Variants in PCDHA10 observed in about 807,000 individuals in gnomAD.
PCDHA10 encodes protocadherin alpha 10, also known as protocadherin alpha-10.
PCDHA10 carries 45 observed loss-of-function variants against 61.2 expected under a neutral mutation model. The observed-to-expected ratio is 0.74, with a 90% CI of 0.58 to 0.94. The LOEUF is 0.94. PCDHA10 is among the 40% of genes least tolerant of loss of function. The pLI is 0.00. For missense variants in PCDHA10, 1,278 were observed against 1,236.2 expected (o/e 1.03, Z -0.51); for synonymous variants, 602 against 548.8 (o/e 1.10, Z -1.35).
rs570244920 is a variant in PCDHA10, at chr5:140,897,293, A to G, written c.2388+38857A>G. Reference sequence around the variant, plus strand: ...GGTGTGCTGCACCCATTAACTCGTCATTTAGCATTAGGTATATCTCCTAAA... The same window carrying G: ...GGTGTGCTGCACCCATTAACTCGTCGTTTAGCATTAGGTATATCTCCTAAA... On this transcript the variant is annotated intron_variant, in intron 1 of 3. Transcript: ENST00000307360. Among the ~76,000 whole-genome samples the G allele has an allele frequency of 1.2e-4, 18 of 149,820 alleles. No homozygotes were observed. In the South Asian group the frequency reaches 3.5e-3, roughly 29 times the overall value.
intron 1 of PCDHA10, among the ~76,000 whole-genome samples, chr5:140,909,000 G>C (rs569548757): frequency 9.8e-5 from 15 of 152,296 alleles, no homozygotes; most frequent in Non-Finnish European, 1.8e-4. Flanking sequence ...AAATTTTACT[G>C]AGGTAGAAGG....
intron 1 of PCDHA10, chr5:140,875,761 G>A (rs373515339): frequency 1.9e-6 from 3 of 1,614,236 alleles, no homozygotes; most frequent in East Asian, 2.2e-5. Flanking sequence ...GAAGCTGTGC[G>A]GGCGGAGCGC....
At chr5:140,897,100 A>G (rs10054072) in intron 1 of PCDHA10, among the ~76,000 whole-genome samples, 2,117 of 151,950 alleles carry the variant, frequency 0.014, 42 homozygotes, top group African/African-American at 0.049. Context: ...CTCATTAAAA[A>G]TCTCCACTTT....
chr5:140,952,923 C>T (rs1554220692), intron 1 of PCDHA10, among the ~76,000 whole-genome samples: 1 of 151,990 alleles, frequency 6.6e-6, no homozygotes, highest in East Asian at 1.9e-4. Context: ...ATGGCATGAG[C>T]AGGAGCAGGA....
At position 140,928,140 on chromosome 5, in the gene PCDHA10, G is replaced by A. The variant is rs200493520; in HGVS notation, c.2389-50809G>A. On this transcript the variant is annotated intron_variant, in intron 1 of 3. Coordinates refer to ENST00000307360, the MANE Select transcript of PCDHA10 (RefSeq NM_018901.4). The stretch of plus-strand genomic sequence containing the variant: ...TCAGTGAATACCAAGTCCTGATCAC[G>A]GCCTCAGATAGTGGCTCACCCCCAC... The A allele has an allele frequency of 2.7e-5, 43 of 1,614,036 alleles. 1 individual carries two copies. The South Asian group carries it at 4.2e-4, about 16-fold the overall frequency.
chr5:140,876,144 G>C (rs782301739), intron 1 of PCDHA10: 1 of 1,613,964 alleles, frequency 6.2e-7, no homozygotes, highest in South Asian at 1.1e-5. Context: ...AACTAACAGG[G>C]TCTGTCCAGA....
intron 1 of PCDHA10, among the ~76,000 whole-genome samples, chr5:140,874,556 C>T (rs1194980368): frequency 3.3e-5 from 5 of 152,178 alleles, no homozygotes; most frequent in African/African-American, 4.8e-5. Flanking sequence ...AGAGATCTTT[C>T]GCATTTTAGT....
chr5:140,908,999 T>C (rs1221174156), intron 1 of PCDHA10, among the ~76,000 whole-genome samples: 1 of 152,190 alleles, frequency 6.6e-6, no homozygotes, highest in Non-Finnish European at 1.5e-5. Context: ...GAAATTTTAC[T>C]GAGGTAGAAG....
At chr5:140,986,085 TCA>T (rs1395722991) in intron 3 of PCDHA10, among the ~76,000 whole-genome samples, 1 of 152,182 alleles carries the variant, frequency 6.6e-6, no homozygotes, top group Non-Finnish European at 1.5e-5. Context: ...TCATTTATTT[TCA>T]CAGTCTGCAA....
intron 1 of PCDHA10, chr5:140,868,478 AT>A (rs1444050987): frequency 1.3e-5 from 2 of 152,364 alleles, no homozygotes; most frequent in Non-Finnish European, 2.9e-5. Flanking sequence ...TAAAACTTCA[AT>A]TTTTTCTTTG....
chr5:140,920,804 A>G (rs2079833395), intron 1 of PCDHA10, among the ~76,000 whole-genome samples: 1 of 151,364 alleles, frequency 6.6e-6, no homozygotes, highest in South Asian at 2.1e-4. Context: ...AGATCACGCC[A>G]CTGCACTCCA....
chr5:140,870,911 A>G (rs782609021), intron 1 of PCDHA10: 2 of 1,613,910 alleles, frequency 1.2e-6, no homozygotes, highest in Non-Finnish European at 1.7e-6. Context: ...TCAGGCTACA[A>G]CGCGTGGCTT....
At chr5:140,932,028 G>A (rs1299372751) in intron 1 of PCDHA10, among the ~76,000 whole-genome samples, 1 of 151,864 alleles carries the variant, frequency 6.6e-6, no homozygotes, top group South Asian at 2.1e-4. Flanking sequence ...TAAGTTTACA[G>A]TATATATTAA....
At chr5:140,906,963 G>C (rs150934602) in intron 1 of PCDHA10, among the ~76,000 whole-genome samples, 2 of 152,216 alleles carry the variant, frequency 1.3e-5, no homozygotes, top group African/African-American at 4.8e-5. Context: ...TAATGGAATC[G>C]TGGTTGTGTC....
At chr5:140,887,459 G>T (rs532781133) in intron 1 of PCDHA10, among the ~76,000 whole-genome samples, 4 of 152,126 alleles carry the variant, frequency 2.6e-5, no homozygotes, top group Non-Finnish European at 5.9e-5. Flanking sequence ...TTTTTTAAAA[G>T]ATATAATTCA....
At chr5:140,968,044 A>C (rs959631573) in intron 1 of PCDHA10, 2 of 1,614,142 alleles carry the variant, frequency 1.2e-6, no homozygotes, top group Non-Finnish European at 1.7e-6. Context: ...TGAGCGGCCC[A>C]CTGGACCGAG....
chr5:140,899,936 T>G (rs1443562291), intron 1 of PCDHA10, among the ~76,000 whole-genome samples: 1 of 152,064 alleles, frequency 6.6e-6, no homozygotes, highest in Non-Finnish European at 1.5e-5. Flanking sequence ...GCCTCCTGAA[T>G]AGCTGGGACC....
chr5:140,930,377 T>C (rs1480359985), intron 1 of PCDHA10: 1 of 152,198 alleles, frequency 6.6e-6, no homozygotes, highest in Non-Finnish European at 1.5e-5. Flanking sequence ...TAGTGGCCCT[T>C]GGCATTTCAA....
At chr5:140,862,185 A>G (rs561305480) in intron 1 of PCDHA10, 1 of 166,788 alleles carries the variant, frequency 6.0e-6, no homozygotes, top group South Asian at 1.6e-4. Flanking sequence ...TGACACAGGC[A>G]ATTCCCCAAT....
Sources: allele counts gnomAD v4.1 joint callset (sites outside exome capture counted in the v4.1 genomes callset), GRCh38; gene constraint gnomAD v4.1.1; transcripts MANE v1.5; gene names NCBI Gene and HGNC (gene_info 2026-07-23, HGNC 2026-07-21).